The following PCDHGA5 variants were observed in gnomAD, a reference collection of about 807,000 sequenced individuals.
PCDHGA5 encodes protocadherin gamma subfamily A, 5, also known as protocadherin gamma-A5.
PCDHGA5 carries 36 observed loss-of-function variants against 56.7 expected under a neutral mutation model. That is an observed-to-expected ratio of 0.64 (90% CI 0.49 to 0.84). The LOEUF (loss-of-function observed/expected upper bound fraction) is 0.84, where lower values mean the gene tolerates loss of function less well. Among genes scored for constraint, PCDHGA5 ranks in the 40% least tolerant of loss-of-function variants. The pLI is 0.00. For synonymous variants in PCDHGA5, 563 were observed against 520.2 expected, an observed-to-expected ratio of 1.08 and a Z score of -1.12; for missense variants, 1,305 against 1,201.5, an observed-to-expected ratio of 1.09 and a Z score of -1.27.
Position 141,486,601 on chromosome 5 carries a change from C to A in PCDHGA5, c.2422-8206C>A, listed in dbSNP as rs770685748. On this transcript the variant is annotated intron_variant, in intron 1 of 3. Transcript: ENST00000518069. The surrounding 1 kb of genome is among the most constrained non-coding windows in gnomAD (Gnocchi z 5.0). ...ATCGCCCAGGGGACCTGCTTTGCTCCCTTGCAGCCTCTGACCCAGACTCTG... is the reference window on the plus strand; with the variant it reads ...ATCGCCCAGGGGACCTGCTTTGCTCACTTGCAGCCTCTGACCCAGACTCTG... The A allele has an allele frequency of 1.9e-6, 3 of 1,613,558 alleles. No homozygotes were observed. The highest frequency in any genetic ancestry group is 3.3e-5 in the Admixed American group (2 of 60,026).
intron 1 of PCDHGA5, chr5:141,388,988 A>G (rs756635794): frequency 6.2e-7 from 1 of 1,614,076 alleles, no homozygotes; most frequent in Non-Finnish European, 8.5e-7. Flanking sequence ...CTTTGCTCAA[A>G]GTCCGTGACA....
rs762612048 is a variant in PCDHGA5 at position 141,388,612 on chromosome 5, G to A, written c.2421+21861G>A. The A allele has an allele frequency of 2.5e-5, 40 of 1,613,954 alleles. No homozygotes were observed. The East Asian group carries it at 5.3e-4, about 22-fold the overall frequency. ...GCCAATGATAATGCTCCAGTGTTCAGTCAAGACGTATACAGGGTGAGCCTT... is the reference window on the plus strand; with the variant it reads ...GCCAATGATAATGCTCCAGTGTTCAATCAAGACGTATACAGGGTGAGCCTT... On this transcript the variant is annotated intron_variant, in intron 1 of 3. Coordinates refer to ENST00000518069, the MANE Select transcript of PCDHGA5 (RefSeq NM_018918.3).
At chr5:141,460,817 A>G (rs527681610) in intron 1 of PCDHGA5, among the ~76,000 whole-genome samples, 3 of 152,126 alleles carry the variant, frequency 2.0e-5, no homozygotes, top group South Asian at 2.1e-4. Context: ...ATGTATACAT[A>G]TATACACACT....
At chr5:141,408,527 G>A in intron 1 of PCDHGA5, 1 of 1,614,072 alleles carries the variant, frequency 6.2e-7, no homozygotes, top group South Asian at 1.1e-5. Flanking sequence ...ATTGGAAGCT[G>A]TGGTGGAAAA....
At chr5:141,434,533 C>T (rs6862159) in intron 1 of PCDHGA5, among the ~76,000 whole-genome samples, 18,539 of 152,264 alleles carry the variant, frequency 0.12, 1,259 homozygotes, top group Non-Finnish European at 0.16. Flanking sequence ...AAACCACAAA[C>T]AATAGCATGA....
chr5:141,497,832 G>C (rs1326640712), intron 2 of PCDHGA5, among the ~76,000 whole-genome samples: 1 of 151,992 alleles, frequency 6.6e-6, no homozygotes, highest in East Asian at 1.9e-4. Context: ...GATCGCCCCC[G>C]GCCACAACAA....
Position 141,364,375 on chromosome 5 carries a change from G to A in PCDHGA5, c.45G>A (p.Leu15=), listed in dbSNP as rs749245484. The change falls in exon 1 of 4, where the codon CTG becomes CTA. Residue 15 remains leucine (L), a synonymous_variant. Transcript: ENST00000518069. The part of the protein sequence containing the change: ...PRGWGCGELL[L]PFMLLGTLCE... The stretch of plus-strand genomic sequence containing the variant: ...GCTGGGGCTGCGGAGAGCTGCTGCT[G>A]CCCTTCATGCTCCTGGGGACGCTGT... 1.9e-6 allele frequency: 3 copies of A among 1,574,886 alleles called. No individual in the cohort carries two copies. In the East Asian group the frequency reaches 6.7e-5, roughly 35 times the overall value.
intron 1 of PCDHGA5, chr5:141,396,605 G>A (rs2093403616): frequency 6.6e-6 from 1 of 151,594 alleles, no homozygotes; most frequent in Non-Finnish European, 1.5e-5. Flanking sequence ...GGGCAACAGG[G>A]TGAGACTCCG....
chr5:141,445,576 G>A (rs1459010134), intron 1 of PCDHGA5, among the ~76,000 whole-genome samples: 1 of 152,158 alleles, frequency 6.6e-6, no homozygotes, highest in Non-Finnish European at 1.5e-5. Flanking sequence ...TTATAGTAGG[G>A]AAGCTTCGCC....
intron 1 of PCDHGA5, among the ~76,000 whole-genome samples, chr5:141,397,195 GAT>G (rs2093485710): frequency 1.3e-5 from 2 of 152,150 alleles, no homozygotes; most frequent in Admixed American, 1.3e-4. Context: ...TACTGTAAAA[GAT>G]ATGACATAAG....
chr5:141,419,393 G>T (rs1226844501), intron 1 of PCDHGA5: 2 of 1,613,620 alleles, frequency 1.2e-6, no homozygotes, highest in Non-Finnish European at 1.7e-6. Context: ...CGCGCAGAGC[G>T]GGGTGGTGTT....
chr5:141,408,378 T>C lies in PCDHGA5; in HGVS notation c.2421+41627T>C, dbSNP rs1369625426. 28 of 1,613,884 alleles carry C rather than the reference T, an allele frequency of 1.7e-5. No homozygotes were observed. The South Asian group carries it at 3.0e-4, about 17-fold the overall frequency. The stretch of plus-strand genomic sequence containing the variant: ...GCTAAGGATCTAGGGCTCAGTGTCC[T>C]GGATGTGTCGGCTCGCAAGCTGCGA... On this transcript the variant is annotated intron_variant, in intron 1 of 3. Transcript: ENST00000518069.
rs779191558 is a variant in PCDHGA5 at position 141,491,465 on chromosome 5, A to G, written c.2422-3342A>G. On this transcript the variant is annotated intron_variant, in intron 1 of 3. Coordinates refer to ENST00000518069, the MANE Select transcript of PCDHGA5 (RefSeq NM_018918.3). This position sits in a 1 kb window ranked among gnomAD's most constrained non-coding sequence, Gnocchi z 6.9. The stretch of plus-strand genomic sequence containing the variant: ...CAGGACTCACCCTCCCCGGACTTCT[A>G]TAAGCAGTCCAGCCCCAACCTGCAG... 1.2e-6 allele frequency: 2 copies of G among 1,613,974 alleles called. No homozygotes were observed. The highest frequency in any genetic ancestry group is 1.1e-5 in the South Asian group (1 of 91,084).
chr5:141,365,824 G>T lies in PCDHGA5; in HGVS notation c.1494G>T (p.Gly498=), dbSNP rs745398679. 6.2e-7 allele frequency: 1 copy of T among 1,613,926 alleles called. No homozygotes were observed. Among genetic ancestry groups the T allele is most frequent in the African/African-American group, 1.3e-5 (1 of 75,038 alleles). ...TYSLAEDTFQ[G]APLSSYVSIN... ...CCCTGGCTGAAGACACATTTCAGGGGGCGCCCTTGTCCTCCTATGTATCCA... is the reference window on the plus strand; with the variant it reads ...CCCTGGCTGAAGACACATTTCAGGGTGCGCCCTTGTCCTCCTATGTATCCA... Residue 498 remains glycine (G), a synonymous_variant, in exon 1 of 4, where the codon GGG becomes GGT. Coordinates refer to ENST00000518069, the MANE Select transcript of PCDHGA5 (RefSeq NM_018918.3).
chr5:141,492,320 G>T (rs1001784912), intron 1 of PCDHGA5, among the ~76,000 whole-genome samples: 1 of 152,206 alleles, frequency 6.6e-6, no homozygotes, highest in Non-Finnish European at 1.5e-5. Context: ...CTCCTCGCAC[G>T]TGGGCTTACG....
chr5:141,372,657 T>C, intron 1 of PCDHGA5: 3 of 1,614,048 alleles, frequency 1.9e-6, no homozygotes, highest in Non-Finnish European at 2.5e-6. Context: ...CTACAATCCG[T>C]GTGCTGCCTC....
rs1366118961 is a variant in PCDHGA5 at position 141,375,763 on chromosome 5, C to T, written c.2421+9012C>T. The T allele has an allele frequency of 3.7e-6, 6 of 1,614,124 alleles. No homozygotes were observed. The African/African-American group carries it at 6.7e-5, about 18-fold the overall frequency. On this transcript the variant is annotated intron_variant, in intron 1 of 3. Transcript: ENST00000518069. ...TGCTGGACCAGAATGACAATGCGCC[C>T]GAGATCCTGTACCCCGCCCTCCCCA...
chr5:141,386,463 C>T (rs2090584678), intron 1 of PCDHGA5, among the ~76,000 whole-genome samples: 1 of 152,034 alleles, frequency 6.6e-6, no homozygotes, highest in Admixed American at 6.6e-5. Context: ...ACAGCTTGAA[C>T]CCAAGAATTG....
intron 1 of PCDHGA5, chr5:141,492,015 G>A (rs117345436): frequency 3.3e-6 from 2 of 600,492 alleles, no homozygotes; most frequent in African/African-American, 1.9e-5. Context: ...CGCGGGTGTC[G>A]GGGGTCCCGG....
Sources: gnomAD v4.1 joint callset for allele counts (sites outside exome capture counted in the v4.1 genomes callset) on GRCh38, gnomAD v4.1.1 for gene constraint, Gnocchi (gnomAD v3.1) non-coding constraint, MANE v1.5 for transcripts, NCBI Gene and HGNC (gene_info 2026-07-23, HGNC 2026-07-21) for gene names.